Variants in EPHA7 observed in about 807,000 individuals in gnomAD.
EPHA7 encodes EPH receptor A7.
Under a neutral mutation model 112.6 loss-of-function variants are expected in EPHA7, and 25 were observed. The ratio of observed to expected loss-of-function variants is 0.22; its 90% confidence interval spans 0.16 to 0.31. The LOEUF is 0.31. Ranked by LOEUF, EPHA7 falls within the 10% of genes least tolerant of loss-of-function variation. The pLI, the probability that EPHA7 is intolerant of heterozygous loss-of-function variation, is 1.00. For missense variants in EPHA7, 962 were observed against 1,212.6 expected, an observed-to-expected ratio of 0.79 and a Z score of 3.07; for synonymous variants, 437 against 406.5, an observed-to-expected ratio of 1.07 and a Z score of -0.90.
At chr6:93,359,874 G>GATAGATAGAT (rs1554185716) in intron 3 of EPHA7, among the ~76,000 whole-genome samples, 3 of 127,934 alleles carry the variant, frequency 2.3e-5, no homozygotes, top group South Asian at 2.6e-4. Flanking sequence ...GAGAGAGAGA[G>GATAGATAGAT]AGATAGATAG....
intron 4 of EPHA7, among the ~76,000 whole-genome samples, chr6:93,357,486 A>T (rs1461967417): frequency 6.6e-6 from 1 of 152,168 alleles, no homozygotes; most frequent in East Asian, 1.9e-4. Flanking sequence ...GATTTATAGC[A>T]ATGCCTGAGA....
chr6:93,313,880 G>T (rs2127869989), intron 5 of EPHA7, among the ~76,000 whole-genome samples: 1 of 152,174 alleles, frequency 6.6e-6, no homozygotes, highest in Admixed American at 6.5e-5. Context: ...CCATGGCCTA[G>T]TACTAACTGG....
At chr6:93,397,558 C>G (rs1455626556) in intron 3 of EPHA7, among the ~76,000 whole-genome samples, 1 of 151,780 alleles carries the variant, frequency 6.6e-6, no homozygotes, top group African/African-American at 2.4e-5. Context: ...AAAGATGGGT[C>G]CAGGATAGTG....
intron 5 of EPHA7, among the ~76,000 whole-genome samples, chr6:93,321,895 T>C (rs1204981644): frequency 6.6e-6 from 1 of 151,906 alleles, no homozygotes; most frequent in Non-Finnish European, 1.5e-5. Context: ...GGCATTTTGA[T>C]TAAGAGCACA....
intron 3 of EPHA7, among the ~76,000 whole-genome samples, chr6:93,406,552 T>G (rs1284656457): frequency 6.6e-6 from 1 of 151,876 alleles, no homozygotes; most frequent in African/African-American, 2.4e-5. Flanking sequence ...TTTTGAATTC[T>G]TATCCAATTT....
At position 93,374,477 on chromosome 6, in the gene EPHA7, T is replaced by G. The variant is rs569698422; in HGVS notation, c.833-16066A>C. ...TATATTACCTTTATATTTCACAGTT[T>G]AATCATTTTAAGTCTTCCTTTTAAG... On this transcript the variant is annotated intron_variant, in intron 3 of 16. Coordinates refer to ENST00000369303, the MANE Select transcript of EPHA7 (RefSeq NM_004440.4). Among the ~76,000 whole-genome samples the G allele has an allele frequency of 2.4e-4, 36 of 152,354 alleles. No homozygotes were observed. The South Asian group carries it at 7.0e-3, about 30-fold the overall frequency.
chr6:93,400,514 A>T (rs1778387792), intron 3 of EPHA7, among the ~76,000 whole-genome samples: 1 of 152,022 alleles, frequency 6.6e-6, no homozygotes, highest in Non-Finnish European at 1.5e-5. Flanking sequence ...TTTTAGAAAG[A>T]ATGATTCCTG....
intron 1 of EPHA7, among the ~76,000 whole-genome samples, chr6:93,417,385 G>T (rs935380978): frequency 2.0e-5 from 3 of 152,068 alleles, no homozygotes; most frequent in Non-Finnish European, 2.9e-5. Flanking sequence ...TAGAAGCCGG[G>T]CGCACTCGCC....
intron 5 of EPHA7, among the ~76,000 whole-genome samples, chr6:93,334,443 G>A (rs1774756108): frequency 6.6e-6 from 1 of 151,906 alleles, no homozygotes; most frequent in Non-Finnish European, 1.5e-5. Context: ...TATCAAGAGA[G>A]TAAACAGACA....
intron 15 of EPHA7, among the ~76,000 whole-genome samples, chr6:93,245,869 G>T (rs961469607): frequency 6.6e-6 from 1 of 152,076 alleles, no homozygotes; most frequent in African/African-American, 2.4e-5. Context: ...TGAATGCCTG[G>T]GGAGTTAGAA....
At chr6:93,347,096 T>C (rs886836096) in intron 5 of EPHA7, among the ~76,000 whole-genome samples, 1 of 151,810 alleles carries the variant, frequency 6.6e-6, no homozygotes, top group African/African-American at 2.4e-5. Context: ...TTTAGCAAAT[T>C]ACAAATTTGT....
chr6:93,272,543 T>C lies in EPHA7; in HGVS notation c.1325-121A>G, dbSNP rs969757584. On this transcript the variant is annotated intron_variant, in intron 5 of 16. Coordinates refer to ENST00000369303, the MANE Select transcript of EPHA7 (RefSeq NM_004440.4). ...CATTAAGGTAAAAGAAAGCACCTTT[T>C]CATAGCTCACAATTCAGAAGCTAAT... 2.2e-5 allele frequency: 25 copies of C among 1,143,830 alleles called. 1 individual carries two copies. The South Asian group carries it at 3.3e-4, about 15-fold the overall frequency. The allele number at this position is 1,143,830 out of a possible 1,614,324, so 70.9% of individuals were successfully genotyped here.
intron 14 of EPHA7, among the ~76,000 whole-genome samples, chr6:93,249,625 A>G (rs1437053279): frequency 6.6e-6 from 1 of 152,182 alleles, no homozygotes; most frequent in Non-Finnish European, 1.5e-5. Flanking sequence ...TCTAATGCTC[A>G]TAACATTAAT....
chr6:93,291,208 AAAGT>A (rs1772344065), intron 5 of EPHA7, among the ~76,000 whole-genome samples: 1 of 152,214 alleles, frequency 6.6e-6, no homozygotes, highest in African/African-American at 2.4e-5. Context: ...TTTTGTTTAT[AAAGT>A]ACTACATATC....
At chr6:93,318,117 C>T (rs1773897550) in intron 5 of EPHA7, among the ~76,000 whole-genome samples, 2 of 152,128 alleles carry the variant, frequency 1.3e-5, no homozygotes, top group Admixed American at 1.3e-4. Flanking sequence ...TATGTGTTAA[C>T]ATATCTCTCT....
rs917452571 is a variant in EPHA7, at chr6:93,242,649, G to A, written c.*777C>T. On this transcript the variant is annotated 3_prime_UTR_variant, in exon 17 of 17. Transcript: ENST00000369303. ...ACTCTATAAACAATCTGTTAAAAGT[G>A]CCTTATAGTATGTATGGATCATTAT... The A allele has an allele frequency of 1.4e-5, 3 of 220,008 alleles. No homozygotes were observed. The highest frequency in any genetic ancestry group is 2.7e-5 in the Non-Finnish European group (3 of 109,518). The allele number at this position is 220,008 out of a possible 1,614,324, so 13.6% of individuals were successfully genotyped here. A position where few individuals can be genotyped will look rare whatever the true frequency, so the allele number is the denominator to read the frequency against.
At chr6:93,373,455 T>G (rs1270591623) in intron 3 of EPHA7, among the ~76,000 whole-genome samples, 3 of 152,094 alleles carry the variant, frequency 2.0e-5, no homozygotes, top group Admixed American at 1.3e-4. Flanking sequence ...TGCGTGTAAT[T>G]TAGTACTTTT....
intron 3 of EPHA7, among the ~76,000 whole-genome samples, chr6:93,406,044 A>G (rs968554441): frequency 6.6e-6 from 1 of 150,542 alleles, no homozygotes; most frequent in Admixed American, 6.6e-5. Context: ...CATAAATTAT[A>G]TATTATTAAA....
At chr6:93,336,481 T>C (rs1222182557) in intron 5 of EPHA7, among the ~76,000 whole-genome samples, 1 of 152,068 alleles carries the variant, frequency 6.6e-6, no homozygotes, top group Non-Finnish European at 1.5e-5. Context: ...TGGCTCACTG[T>C]AACCACTGCC....
Sources: allele counts gnomAD v4.1 joint callset (sites outside exome capture counted in the v4.1 genomes callset), GRCh38; gene constraint gnomAD v4.1.1; transcripts MANE v1.5; gene names NCBI Gene and HGNC (gene_info 2026-07-23, HGNC 2026-07-21).